CPNE2: variants seen among roughly 807,000 people sequenced by gnomAD.
CPNE2 encodes the protein copine 2, also known as copine-2.
In CPNE2, 42 loss-of-function variants were observed where a neutral mutation model predicts 69.7. That is an observed-to-expected ratio of 0.60 (90% CI 0.47 to 0.78). CPNE2 has a LOEUF of 0.78. Among genes scored for constraint, CPNE2 ranks in the 30% least tolerant of loss-of-function variants. The probability of loss-of-function intolerance (pLI) is 0.00; values close to 1 mark genes in which losing one functional copy is unlikely to be tolerated. For missense variants in CPNE2, 587 were observed against 732.0 expected (o/e 0.80, Z 2.29); for synonymous variants, 294 against 289.8 (o/e 1.01, Z -0.15).
intron 5 of CPNE2, among the ~76,000 whole-genome samples, chr16:57,117,942 C>T (rs8058541): frequency 0.66 from 100,521 of 151,810 alleles, 34,097 homozygotes; most frequent in Admixed American, 0.78. Flanking sequence ...GCCCCTTGTC[C>T]GTGAATTAAA....
chr16:57,125,543 TG>T (rs2069794558), intron 10 of CPNE2: 6 of 408,930 alleles, frequency 1.5e-5, no homozygotes, highest in Admixed American at 7.0e-5. Flanking sequence ...TATGAATAAA[TG>T]CCTGCATATG....
At chr16:57,128,786 G>A (rs1035767742) in intron 12 of CPNE2, among the ~76,000 whole-genome samples, 2 of 152,186 alleles carry the variant, frequency 1.3e-5, no homozygotes, top group Non-Finnish European at 2.9e-5. Flanking sequence ...CTCAGTGTCT[G>A]TTATTCCCCT....
chr16:57,117,762 G>A (rs1406217943), intron 5 of CPNE2, among the ~76,000 whole-genome samples, 195 bp downstream of exon 5: 3 of 152,152 alleles, frequency 2.0e-5, no homozygotes, highest in African/African-American at 7.2e-5. Flanking sequence ...TCCCTTAGGG[G>A]TATTCAAAAC....
chr16:57,096,836 C>A (rs1302220149), intron 1 of CPNE2, among the ~76,000 whole-genome samples: 1 of 152,032 alleles, frequency 6.6e-6, no homozygotes, highest in Non-Finnish European at 1.5e-5. Flanking sequence ...GGCCAGATAT[C>A]CTCAGCTCCT....
At chr16:57,140,490 T>C (rs1437077515) in intron 14 of CPNE2, among the ~76,000 whole-genome samples, 2 of 151,566 alleles carry the variant, frequency 1.3e-5, no homozygotes, top group African/African-American at 4.9e-5. Context: ...TCTTATGAAA[T>C]GGGCGTAGTA....
intron 7 of CPNE2, 67 bp from the exon 8 acceptor site, chr16:57,121,026 G>T (rs1394476674): frequency 1.7e-6 from 2 of 1,206,206 alleles, no homozygotes; most frequent in African/African-American, 1.5e-5. Context: ...TGCTTGGGGA[G>T]TTGAGAGGGG....
At chr16:57,099,182 G>C (rs1444297258) in intron 1 of CPNE2, among the ~76,000 whole-genome samples, 1 of 152,136 alleles carries the variant, frequency 6.6e-6, no homozygotes, top group African/African-American at 2.4e-5. Flanking sequence ...CCATGTTTAA[G>C]GGCACCTAAG....
In CPNE2 at chr16:57,123,524, C is replaced by G. The variant is rs79310064; in HGVS notation, c.927+51C>G. 1,724 of 1,587,972 alleles carry G rather than the reference C, an allele frequency of 1.1e-3. 21 individuals carry two copies. The African/African-American group carries it at 0.022, about 20-fold the overall frequency. ...CTGCACCCCCATCCCAGTGAGGGTC[C>G]TCCCTGAAGACTTGGGCCACTAGTG... On this transcript the variant is annotated intron_variant, in intron 10 of 15. Transcript: ENST00000290776.
chr16:57,104,521 G>A (rs1263544590), intron 1 of CPNE2, among the ~76,000 whole-genome samples: 1 of 152,182 alleles, frequency 6.6e-6, no homozygotes, highest in African/African-American at 2.4e-5. Context: ...GGGGGAGGTG[G>A]CTATGATTGC....
chr16:57,112,291 G>A (rs2069686349), intron 2 of CPNE2, among the ~76,000 whole-genome samples: 1 of 152,156 alleles, frequency 6.6e-6, no homozygotes, highest in South Asian at 2.1e-4. Flanking sequence ...GGCCAGCTGA[G>A]GACTCCTGGG....
At chr16:57,093,061 C>T (rs2069554337) in intron 1 of CPNE2, among the ~76,000 whole-genome samples, 1 of 152,074 alleles carries the variant, frequency 6.6e-6, no homozygotes, top group Non-Finnish European at 1.5e-5. Context: ...CTCGGGGGTC[C>T]GAGCCCAGCT....
intron 14 of CPNE2, chr16:57,143,909 C>G (rs2069939476): frequency 6.6e-6 from 1 of 152,324 alleles, no homozygotes; most frequent in Admixed American, 6.5e-5. Flanking sequence ...GGAAACAGAT[C>G]CCACCCACTG....
Position 57,134,812 on chromosome 16 carries a change from A to G in CPNE2, c.1154A>G (p.Asn385Ser), listed in dbSNP as rs2069866327. The G allele has an allele frequency of 1.2e-6, 2 of 1,613,436 alleles. No homozygotes were observed. Among genetic ancestry groups the G allele is most frequent in the Non-Finnish European group, 1.7e-6 (2 of 1,179,838 alleles). Residue 385 changes from asparagine to serine, a missense_variant, in exon 13 of 16, where the codon AAC becomes AGC. Physicochemically the swap from Asn to Ser is conservative, Grantham distance 46. Transcript: ENST00000290776. The stretch of plus-strand genomic sequence containing the variant: ...TTTGCCATCAACTTCAACCCCACCA[A>G]CCCCTTCTGCTCAGGTGAGTGTCAG... ...HEFAINFNPT[N>S]PFCSGVDGIA...
At chr16:57,135,778 G>A (rs559186816) in intron 13 of CPNE2, among the ~76,000 whole-genome samples, 1 of 151,682 alleles carries the variant, frequency 6.6e-6, no homozygotes, top group Non-Finnish European at 1.5e-5. Context: ...GGAAGCTGAG[G>A]CGGGAGAATC....
chr16:57,138,500 G>A (rs967382121), intron 14 of CPNE2, among the ~76,000 whole-genome samples: 1 of 152,126 alleles, frequency 6.6e-6, no homozygotes, highest in Non-Finnish European at 1.5e-5. Context: ...CCCGATCACT[G>A]ACTGCACAGC....
At position 57,147,631 on chromosome 16, in the gene CPNE2, GC is replaced by G; in HGVS notation, c.1626del (p.Thr543ProfsTer121). ...TGCAGTATTTCAAGCATAAAAACCT[GC>G]CCCCCACCAACTCGGAGCCCGCCTG... ...VVQYFKHKNL[P>X]PTNSEPA On this transcript the variant is annotated frameshift_variant, in exon 16 of 16. Coordinates refer to ENST00000290776, the MANE Select transcript of CPNE2 (RefSeq NM_152727.6). LOFTEE classifies it high-confidence loss of function. 6.2e-7 allele frequency: 1 copy of G among 1,603,426 alleles called. No homozygotes were observed. Among genetic ancestry groups the G allele is most frequent in the Non-Finnish European group, 8.5e-7 (1 of 1,172,720 alleles).
At chr16:57,124,926 C>T (rs568236240) in intron 10 of CPNE2, 1 of 242,720 alleles carries the variant, frequency 4.1e-6, no homozygotes, top group South Asian at 5.0e-5. Flanking sequence ...CTGACTGCCT[C>T]CTTTGTGCCG....
At chr16:57,117,340 G>A (rs556963071) in intron 4 of CPNE2, among the ~76,000 whole-genome samples, 156 bp from the exon 5 acceptor site, 1 of 152,302 alleles carries the variant, frequency 6.6e-6, no homozygotes, top group African/African-American at 2.4e-5. Context: ...GGAAACTGAG[G>A]TGTGGGGAAG....
chr16:57,116,946 C>T (rs1164671009), intron 4 of CPNE2, among the ~76,000 whole-genome samples: 1 of 152,176 alleles, frequency 6.6e-6, no homozygotes, highest in Non-Finnish European at 1.5e-5. Flanking sequence ...CTCGAAGTCG[C>T]CCAGCTAGGC....
Sources: allele counts gnomAD v4.1 joint callset (sites outside exome capture counted in the v4.1 genomes callset), GRCh38; gene constraint gnomAD v4.1.1; transcripts MANE v1.5; gene names NCBI Gene and HGNC (gene_info 2026-07-23, HGNC 2026-07-21).